Variants in SPECC1L observed in about 807,000 individuals in gnomAD.
SPECC1L encodes cytospin-A.
Under a neutral mutation model 116.8 loss-of-function variants are expected in SPECC1L, and 40 were observed. The ratio of observed to expected loss-of-function variants is 0.34; its 90% CI spans 0.27 to 0.45. The LOEUF (loss-of-function observed/expected upper bound fraction) is 0.45. SPECC1L is among the 20% of genes least tolerant of loss of function. The pLI is 1.00. For missense variants in SPECC1L, 1,110 were observed against 1,373.6 expected (o/e 0.81, Z 3.03); for synonymous variants, 504 against 500.6 (o/e 1.01, Z -0.09).
chr22:24,392,781 G>A (rs1385610665), intron 14 of SPECC1L, among the ~76,000 whole-genome samples: 2 of 152,110 alleles, frequency 1.3e-5, no homozygotes, highest in African/African-American at 4.8e-5. Context: ...AGTTTGGGTG[G>A]GGCTTAGTGG....
chr22:24,316,234 AT>A (rs2040560587), intron 4 of SPECC1L, among the ~76,000 whole-genome samples: 1 of 151,750 alleles, frequency 6.6e-6, no homozygotes, highest in Non-Finnish European at 1.5e-5. Context: ...CCAGAGAAGA[AT>A]TTTTCTTCTT....
intron 11 of SPECC1L, among the ~76,000 whole-genome samples, chr22:24,354,359 A>G (rs1601597968): frequency 1.3e-5 from 2 of 152,176 alleles, no homozygotes; most frequent in East Asian, 3.9e-4. Flanking sequence ...GTGGTTTTCT[A>G]TTTCCTTATT....
chr22:24,412,214 G>A (rs1376315882), intron 15 of SPECC1L: 1 of 355,846 alleles, frequency 2.8e-6, no homozygotes, highest in Non-Finnish European at 5.4e-6. Flanking sequence ...CCTACCCAGA[G>A]GGCCACTGGA....
Position 24,317,046 on chromosome 22 carries a change from C to G in SPECC1L, c.307+3580C>G, listed in dbSNP as rs538060089. ...TGGCCGGGCGGGGGGCTGACCCCCC[C>G]ACCTCCCTCCCGGAGGGGGTGGCTG... On this transcript the variant is annotated intron_variant, in intron 4 of 16. Coordinates refer to ENST00000314328, the MANE Select transcript of SPECC1L (RefSeq NM_015330.6). Among the ~76,000 whole-genome samples the G allele has an allele frequency of 3.4e-5, 4 of 117,958 alleles. 1 individual carries two copies. The South Asian group carries it at 1.1e-3, about 33-fold the overall frequency. 77.4% of individuals were successfully genotyped at this position (117,958 alleles called of 152,430 possible). A position where few individuals can be genotyped will look rare whatever the true frequency, so the allele number is the denominator to read the frequency against.
intron 2 of SPECC1L, among the ~76,000 whole-genome samples, chr22:24,292,159 G>A (rs2049167576): frequency 1.3e-5 from 2 of 152,172 alleles, no homozygotes. Context: ...CGGCCTTGGA[G>A]CTCTCTTGTG....
intron 14 of SPECC1L, among the ~76,000 whole-genome samples, chr22:24,383,924 A>T (rs2146704734): frequency 6.7e-6 from 1 of 149,602 alleles, no homozygotes; most frequent in East Asian, 2.0e-4. Context: ...AAGTGCTGGG[A>T]TTACAGGCGT....
At chr22:24,324,487 T>C in intron 6 of SPECC1L, 60 bp downstream of exon 6, 1 of 1,481,082 alleles carries the variant, frequency 6.8e-7, no homozygotes, top group Admixed American at 1.7e-5. Flanking sequence ...GCGGGGATAA[T>C]TTGCATTTAG....
At chr22:24,280,375 G>T (rs919400365) in intron 2 of SPECC1L, among the ~76,000 whole-genome samples, 1 of 151,360 alleles carries the variant, frequency 6.6e-6, no homozygotes, top group African/African-American at 2.4e-5. Context: ...CATTCCTGGG[G>T]TGAGGCAATT....
At chr22:24,280,676 C>G (rs1452760684) in intron 2 of SPECC1L, among the ~76,000 whole-genome samples, 2 of 150,676 alleles carry the variant, frequency 1.3e-5, no homozygotes, top group Non-Finnish European at 2.9e-5. Context: ...TTCCCAGGCT[C>G]AAGTGATCCT....
intron 3 of SPECC1L, among the ~76,000 whole-genome samples, chr22:24,307,504 T>C (rs553158296): frequency 5.3e-5 from 8 of 152,130 alleles, no homozygotes; most frequent in Non-Finnish European, 1.2e-4. Context: ...TATGATACCT[T>C]TAAAGGTATC....
intron 2 of SPECC1L, among the ~76,000 whole-genome samples, chr22:24,285,678 C>G (rs1446773313): frequency 6.6e-6 from 1 of 151,726 alleles, no homozygotes; most frequent in Non-Finnish European, 1.5e-5. Flanking sequence ...GAGTCTTGCT[C>G]TGTCGCCCAG....
rs188583384 is a variant in SPECC1L, at chr22:24,273,592, C to G, written c.-142+2609C>G. On this transcript the variant is annotated intron_variant, in intron 1 of 16. Coordinates refer to ENST00000314328, the MANE Select transcript of SPECC1L (RefSeq NM_015330.6). ...GGAGTTCAGGAAAAAGTTCCTGGGG[C>G]TTTTGCTGTTAAGAAGATTCAAATA... Among the ~76,000 whole-genome samples, 887 of 152,164 alleles carry G rather than the reference C, an allele frequency of 5.8e-3. 2 individuals are homozygous for G. The highest frequency in any genetic ancestry group is 9.3e-3 in the Non-Finnish European group (633 of 68,000).
intron 9 of SPECC1L, among the ~76,000 whole-genome samples, chr22:24,337,921 G>A (rs923163140): frequency 1.3e-5 from 2 of 152,062 alleles, no homozygotes; most frequent in African/African-American, 2.4e-5. Flanking sequence ...AAATATATGC[G>A]AAGTGATGGA....
chr22:24,309,284 A>C (rs2049565752), intron 3 of SPECC1L, among the ~76,000 whole-genome samples: 1 of 152,240 alleles, frequency 6.6e-6, no homozygotes, highest in African/African-American at 2.4e-5. Context: ...CCATTTATCC[A>C]ACACTGAAAT....
intron 14 of SPECC1L, among the ~76,000 whole-genome samples, chr22:24,370,424 G>A (rs148563230): frequency 4.6e-5 from 7 of 152,354 alleles, no homozygotes; most frequent in African/African-American, 1.7e-4. Flanking sequence ...AAGGAGATAA[G>A]TAGTGTTGGC....
intron 2 of SPECC1L, among the ~76,000 whole-genome samples, chr22:24,291,344 G>T (rs2049151923): frequency 6.6e-6 from 1 of 152,110 alleles, no homozygotes; most frequent in Admixed American, 6.5e-5. Context: ...CTTGCACAAG[G>T]TCACATAGAT....
Position 24,272,252 on chromosome 22 carries a change from C to G in SPECC1L, c.-142+1269C>G, listed in dbSNP as rs560289169. On this transcript the variant is annotated intron_variant, in intron 1 of 16. Transcript: ENST00000314328. ...AAAAAGCGCGCGCCTGTAATCCCAG[C>G]TACTCAGGAGGGTGAGGCAGGAGAA... Among the ~76,000 whole-genome samples the G allele has an allele frequency of 6.6e-5, 10 of 152,020 alleles. No homozygotes were observed. The South Asian group carries it at 1.9e-3, about 28-fold the overall frequency.
intron 2 of SPECC1L, among the ~76,000 whole-genome samples, chr22:24,299,203 A>G (rs1407086755): frequency 1.3e-5 from 2 of 152,178 alleles, no homozygotes; most frequent in African/African-American, 4.8e-5. Flanking sequence ...TTAAGTAGAT[A>G]TTTTTGGAAT....
intron 1 of SPECC1L, among the ~76,000 whole-genome samples, chr22:24,271,353 C>T (rs188385487): frequency 1.3e-5 from 2 of 152,338 alleles, no homozygotes; most frequent in Non-Finnish European, 2.9e-5. Context: ...CTGGGGCTGC[C>T]GCCCCATCGC....
Sources: allele counts gnomAD v4.1 joint callset (sites outside exome capture counted in the v4.1 genomes callset), GRCh38; gene constraint gnomAD v4.1.1; transcripts MANE v1.5; gene names NCBI Gene and HGNC (gene_info 2026-07-23, HGNC 2026-07-21).